The following DGKB variants were observed in gnomAD, a reference collection of about 807,000 sequenced individuals.
The protein encoded by DGKB is 90 kDa diacylglycerol kinase.
A neutral mutation model predicts 114.3 loss-of-function variants in DGKB; 67 were observed. That is an observed-to-expected ratio of 0.59 (90% CI 0.48 to 0.72). The LOEUF (loss-of-function observed/expected upper bound fraction) is 0.72. Ranked by LOEUF, DGKB falls within the 30% of genes least tolerant of loss-of-function variation. DGKB has a pLI of 0.00. For synonymous variants in DGKB, 398 were observed against 323.1 expected (o/e 1.23, Z -2.49); for missense variants, 907 against 975.2 (o/e 0.93, Z 0.93).
chr7:14,563,991 G>C (rs1404882212), intron 20 of DGKB, among the ~76,000 whole-genome samples: 1 of 152,158 alleles, frequency 6.6e-6, no homozygotes, highest in Admixed American at 6.6e-5. Context: ...CTCTGTGTTA[G>C]ACCCATCAGA....
rs145933662 is a variant in DGKB, at chr7:14,168,729, C to T, written c.2304+8110G>A. On this transcript the variant is annotated intron_variant, in intron 25 of 25. Transcript: ENST00000402815. ...GTCAGAAGAGCTGGATGCAGGCATG[C>T]GTAGCCGAAATACAAGTCTGTGAAT... is the stretch of plus-strand genomic sequence containing the variant. Among the ~76,000 whole-genome samples, 192 of 152,184 alleles carry T rather than the reference C, an allele frequency of 1.3e-3. 2 individuals carry two copies. The highest frequency in any genetic ancestry group is 4.1e-3 in the African/African-American group (170 of 41,534).
intron 21 of DGKB, among the ~76,000 whole-genome samples, chr7:14,446,693 G>A (rs528087406): frequency 6.6e-6 from 1 of 152,136 alleles, no homozygotes; most frequent in Non-Finnish European, 1.5e-5. Flanking sequence ...GAAAAGAAGT[G>A]TTTAAAGTAC....
At chr7:14,283,813 G>A (rs1800366310) in intron 23 of DGKB, among the ~76,000 whole-genome samples, 1 of 152,112 alleles carries the variant, frequency 6.6e-6, no homozygotes, top group African/African-American at 2.4e-5. Context: ...CTAGCCATAT[G>A]CAGAAAGCTG....
intron 21 of DGKB, among the ~76,000 whole-genome samples, chr7:14,345,597 T>G (rs1185802462): frequency 6.6e-6 from 1 of 151,724 alleles, no homozygotes; most frequent in African/African-American, 2.4e-5. Flanking sequence ...TAAGAATGTG[T>G]TGATCTAGCA....
intron 23 of DGKB, among the ~76,000 whole-genome samples, chr7:14,181,021 C>T (rs1782562091): frequency 6.6e-6 from 1 of 151,888 alleles, no homozygotes; most frequent in African/African-American, 2.4e-5. Context: ...TTTTGTATGG[C>T]TCACAACAAT....
chr7:14,177,436 A>C (rs1400794058), intron 24 of DGKB, among the ~76,000 whole-genome samples: 1 of 151,758 alleles, frequency 6.6e-6, no homozygotes, highest in Non-Finnish European at 1.5e-5. Flanking sequence ...GGTGCCTGTA[A>C]TCCCAGATAC....
chr7:14,619,953 G>C (rs956968634), intron 15 of DGKB, among the ~76,000 whole-genome samples: 7 of 151,720 alleles, frequency 4.6e-5, no homozygotes, highest in African/African-American at 1.7e-4. Context: ...TCAGAATTAG[G>C]CTTCCCTTTC....
chr7:14,738,632 A>G (rs1158511788), intron 4 of DGKB, among the ~76,000 whole-genome samples: 1 of 152,234 alleles, frequency 6.6e-6, no homozygotes, highest in Non-Finnish European at 1.5e-5. Flanking sequence ...AAGAATATCC[A>G]TTTTAAAAAT....
intron 23 of DGKB, among the ~76,000 whole-genome samples, chr7:14,335,975 T>G (rs1222128213): frequency 1.3e-5 from 2 of 152,120 alleles, no homozygotes; most frequent in African/African-American, 2.4e-5. Context: ...AACTCCCTGC[T>G]TCAAGTGATC....
rs546152805 is a variant in DGKB, at chr7:14,288,159, C to G, written c.2122+50356G>C. On this transcript the variant is annotated intron_variant, in intron 23 of 25. Transcript: ENST00000402815. The stretch of plus-strand genomic sequence containing the variant: ...GTTTTCTTGTATATAAGAAATTATA[C>G]TTTGAACTACCTGAACTGATCAGGC... Among the ~76,000 whole-genome samples the G allele has an allele frequency of 4.3e-5, 6 of 138,420 alleles. No homozygotes were observed. In the East Asian group the frequency reaches 1.3e-3, roughly 31 times the overall value. 90.8% of individuals were successfully genotyped at this position (138,420 alleles called of 152,430 possible).
intron 13 of DGKB, among the ~76,000 whole-genome samples, chr7:14,657,153 C>T (rs559118035): frequency 4.7e-4 from 72 of 151,762 alleles, no homozygotes; most frequent in African/African-American, 1.6e-3. Flanking sequence ...CTTTAAAATA[C>T]ATGTACATGA....
At chr7:14,881,434 T>C (rs972570136) in intron 1 of DGKB, among the ~76,000 whole-genome samples, 1 of 152,196 alleles carries the variant, frequency 6.6e-6, no homozygotes, top group African/African-American at 2.4e-5. Flanking sequence ...TTGCTTTTGA[T>C]TTTTATTAAG....
intron 23 of DGKB, chr7:14,190,924 T>G (rs1221213891): frequency 6.5e-6 from 1 of 152,830 alleles, no homozygotes; most frequent in Non-Finnish European, 1.5e-5. Flanking sequence ...ATCGAAAATT[T>G]TGAGGAAGAG....
chr7:14,865,539 T>C (rs140146230), intron 1 of DGKB, among the ~76,000 whole-genome samples: 14 of 152,328 alleles, frequency 9.2e-5, no homozygotes, highest in African/African-American at 3.4e-4. Context: ...TCTAAAGTAG[T>C]AGTGGCTTCC....
chr7:14,600,285 T>C (rs1803308893), intron 17 of DGKB, among the ~76,000 whole-genome samples: 1 of 152,198 alleles, frequency 6.6e-6, no homozygotes, highest in Non-Finnish European at 1.5e-5. Context: ...AATCATTTGC[T>C]CATTGCTCCA....
At chr7:14,871,945 T>C (rs183050958) in intron 1 of DGKB, among the ~76,000 whole-genome samples, 1 of 152,174 alleles carries the variant, frequency 6.6e-6, no homozygotes, top group Admixed American at 6.6e-5. Flanking sequence ...TGAAGTTTTT[T>C]GCTAAAGCTT....
At chr7:14,967,243 A>G (rs1787206328) in intron 1 of DGKB, among the ~76,000 whole-genome samples, 1 of 152,330 alleles carries the variant, frequency 6.6e-6, no homozygotes, top group African/African-American at 2.4e-5. Context: ...AAACTCCTAC[A>G]TAAGAATGCA....
chr7:14,799,930 T>C (rs1841926577), intron 2 of DGKB, among the ~76,000 whole-genome samples: 1 of 151,946 alleles, frequency 6.6e-6, no homozygotes, highest in African/African-American at 2.4e-5. Context: ...CTTTTCTTTT[T>C]TTTTTTGACA....
chr7:14,332,482 G>C lies in DGKB; in HGVS notation c.2122+6033C>G, dbSNP rs543191390. Reference sequence around the variant, plus strand: ...GTGAAAACTGCAGCAGCTGAGTGTAGTTTTCTAAACTTTAGTCTTTCTGGC... The same window carrying C: ...GTGAAAACTGCAGCAGCTGAGTGTACTTTTCTAAACTTTAGTCTTTCTGGC... On this transcript the variant is annotated intron_variant, in intron 23 of 25. Coordinates refer to ENST00000402815, the MANE Select transcript of DGKB (RefSeq NM_001350709.2). Among the ~76,000 whole-genome samples the C allele has an allele frequency of 3.3e-5, 5 of 152,312 alleles. No individual in the cohort carries two copies. The South Asian group carries it at 1.0e-3, about 32-fold the overall frequency.
Sources: gnomAD v4.1 joint callset for allele counts (sites outside exome capture counted in the v4.1 genomes callset) on GRCh38, gnomAD v4.1.1 for gene constraint, MANE v1.5 for transcripts, NCBI Gene and HGNC (gene_info 2026-07-23, HGNC 2026-07-21) for gene names.